The following SPATA3 variants were observed in gnomAD, a reference collection of about 807,000 sequenced individuals.
SPATA3 encodes spermatogenesis-associated protein 3.
Under a neutral mutation model 5.7 loss-of-function variants are expected in SPATA3, and 6 were observed. The ratio of observed to expected loss-of-function variants is 1.06; its 90% confidence interval spans 0.58 to 2.09. The LOEUF (loss-of-function observed/expected upper bound fraction) is 2.09. SPATA3 is among the 30% of genes most tolerant of loss of function. SPATA3 has a pLI of 0.00. For synonymous variants in SPATA3, 44 were observed against 48.4 expected (o/e 0.91, Z 0.37); for missense variants, 155 against 130.4 (o/e 1.19, Z -0.92).
chr2:231,002,857 G>A (rs1181903465), downstream of SPATA3: 1 of 1,066,818 alleles, frequency 9.4e-7, no homozygotes, highest in African/African-American at 1.6e-5. Context: ...CCTTCGAATG[G>A]AGGTGGTCTC....
chr2:230,996,432 C>A, intron 1 of SPATA3: 2 of 1,552,412 alleles, frequency 1.3e-6, no homozygotes, highest in Non-Finnish European at 1.7e-6. Flanking sequence ...CTCCCGGCAG[C>A]CAGCATTCCA....
chr2:231,009,801 A>T (rs930392113), downstream of SPATA3, among the ~76,000 whole-genome samples: 1 of 152,028 alleles, frequency 6.6e-6, no homozygotes, highest in Non-Finnish European at 1.5e-5. Context: ...CACATTGCAG[A>T]CTCATGAATG....
At chr2:231,019,468 C>T (rs1180424958) in intron 6 of SPATA3, among the ~76,000 whole-genome samples, 1 of 149,364 alleles carries the variant, frequency 6.7e-6, no homozygotes, top group African/African-American at 2.5e-5. Context: ...GGACTACAGG[C>T]ACCTGCCACC....
At chr2:231,013,244 C>T (rs975351360) in intron 5 of SPATA3, among the ~76,000 whole-genome samples, 31 of 152,062 alleles carry the variant, frequency 2.0e-4, no homozygotes, top group Non-Finnish European at 4.3e-4. Flanking sequence ...ATTGCTGTCA[C>T]GACAGACGCA....
At chr2:231,000,459 G>T (rs771963665) in exon 2 of SPATA3, 2 of 1,549,808 alleles carry the variant, frequency 1.3e-6, no homozygotes, top group African/African-American at 1.4e-5. Context: ...TGCCATAGCC[G>T]CATCTTCGAT....
At chr2:230,996,206 G>A (rs1484863366) in intron 1 of SPATA3, 1 of 1,537,988 alleles carries the variant, frequency 6.5e-7, no homozygotes, top group South Asian at 1.2e-5. Context: ...CTCCATGTAG[G>A]TCCACGTTTA....
chr2:231,015,448 A>G (rs1302904724), intron 6 of SPATA3, among the ~76,000 whole-genome samples: 4 of 152,048 alleles, frequency 2.6e-5, no homozygotes, highest in African/African-American at 9.7e-5. Context: ...GCATAGACAG[A>G]AATGCCCCGT....
At chr2:231,018,891 G>A (rs1692999057) in intron 6 of SPATA3, among the ~76,000 whole-genome samples, 1 of 151,712 alleles carries the variant, frequency 6.6e-6, no homozygotes, top group East Asian at 1.9e-4. Flanking sequence ...TCACCATGTT[G>A]GCCGGGCTGG....
At chr2:231,002,776 T>G in exon 3 of SPATA3, 1 of 1,515,514 alleles carries the variant, frequency 6.6e-7, no homozygotes, top group Non-Finnish European at 8.9e-7. Flanking sequence ...AGGAGCTGCC[T>G]ACTACATCAC....
intron 6 of SPATA3, among the ~76,000 whole-genome samples, chr2:231,014,983 G>A (rs1415511933): frequency 6.6e-6 from 1 of 151,222 alleles, no homozygotes; most frequent in East Asian, 1.9e-4. Flanking sequence ...AACCCTACAG[G>A]GAGTCCCAAC....
intron 6 of SPATA3, among the ~76,000 whole-genome samples, chr2:231,018,957 A>G (rs1574679916): frequency 8.4e-6 from 1 of 119,720 alleles, no homozygotes; most frequent in Non-Finnish European, 1.7e-5. Context: ...GCCTGGCCTG[A>G]TTTTTCTTTT....
chr2:231,007,663 A>T (rs1692675911), downstream of SPATA3, among the ~76,000 whole-genome samples: 1 of 152,222 alleles, frequency 6.6e-6, no homozygotes, highest in Admixed American at 6.5e-5. Context: ...CACTGTCTCT[A>T]GAAACAGCTT....
Position 231,002,306 on chromosome 2 carries a change from T to A in SPATA3, c.963-378T>A, listed in dbSNP as rs1249280645. On this transcript the variant is annotated intron_variant, in intron 2 of 2. Transcript: ENST00000645363. ...TGTAATATATTATTTCCCAAGTTCC[T>A]TTCTCTCAATGGAGTGAAGTGATAG... Among the ~76,000 whole-genome samples, 3 of 152,236 alleles carry A rather than the reference T, an allele frequency of 2.0e-5. No individual in the cohort carries two copies. In the East Asian group the frequency reaches 5.8e-4, roughly 29 times the overall value.
At chr2:231,015,510 C>A (rs997594148) in intron 6 of SPATA3, among the ~76,000 whole-genome samples, 2 of 152,164 alleles carry the variant, frequency 1.3e-5, no homozygotes, top group African/African-American at 4.8e-5. Context: ...GCCTCCCTTG[C>A]AGGATTGACC....
intron 6 of SPATA3, among the ~76,000 whole-genome samples, chr2:231,014,630 A>C (rs1256869923): frequency 6.6e-6 from 1 of 152,104 alleles, no homozygotes; most frequent in Non-Finnish European, 1.5e-5. Context: ...TTGGGACAGC[A>C]ACCTGGTGGC....
chr2:230,996,629 G>T (rs1692133618), intron 1 of SPATA3, 95 bp downstream of exon 1: 1 of 1,413,004 alleles, frequency 7.1e-7, no homozygotes, highest in Non-Finnish European at 9.5e-7. Flanking sequence ...GTGATGCATG[G>T]TTAACGTGTA....
At chr2:230,997,746 T>C (rs901502086) in intron 1 of SPATA3, among the ~76,000 whole-genome samples, 2 of 152,220 alleles carry the variant, frequency 1.3e-5, no homozygotes, top group African/African-American at 4.8e-5. Flanking sequence ...CATTGGATTG[T>C]GTAGAGGGAA....
chr2:231,000,136 G>A (rs1299930805), intron 1 of SPATA3, among the ~76,000 whole-genome samples: 3 of 152,088 alleles, frequency 2.0e-5, no homozygotes, highest in South Asian at 2.1e-4. Flanking sequence ...TTTCCCATGC[G>A]GTCAGTCTTC....
intron 6 of SPATA3, among the ~76,000 whole-genome samples, chr2:231,017,067 C>CAATTACATCATAT (rs1692955097): frequency 1.3e-5 from 2 of 152,264 alleles, no homozygotes; most frequent in East Asian, 1.9e-4. Flanking sequence ...ATGCCTGTTT[C>CAATTACATCATAT]GTAATTGATC....
Sources: gnomAD v4.1 joint callset for allele counts (sites outside exome capture counted in the v4.1 genomes callset) on GRCh38, gnomAD v4.1.1 for gene constraint, MANE v1.5 for transcripts, NCBI Gene and HGNC (gene_info 2026-07-23, HGNC 2026-07-21) for gene names.